Variants in RAP1GDS1 observed in about 807,000 individuals in gnomAD.
The protein encoded by RAP1GDS1 is Rap1 GTPase-GDP dissociation stimulator 1, also known as RAP1, GTP-GDP dissociation stimulator 1.
Under a neutral mutation model 71.1 loss-of-function variants are expected in RAP1GDS1, and 35 were observed. That is an observed-to-expected ratio of 0.49 (90% CI 0.38 to 0.65). The LOEUF is 0.65. Among genes scored for constraint, RAP1GDS1 ranks in the 30% least tolerant of loss-of-function variants. RAP1GDS1 has a pLI of 0.00. For synonymous variants in RAP1GDS1, 229 were observed against 243.1 expected, an observed-to-expected ratio of 0.94 and a Z score of 0.54; for missense variants, 663 against 706.1, an observed-to-expected ratio of 0.94 and a Z score of 0.69.
intron 10 of RAP1GDS1, among the ~76,000 whole-genome samples, chr4:98,419,742 C>T (rs567779227): frequency 3.3e-4 from 50 of 152,182 alleles, no homozygotes; most frequent in African/African-American, 1.2e-3. Context: ...CCTTTACAAA[C>T]TATGTAAGTA....
At chr4:98,279,343 A>G (rs539782772) in intron 1 of RAP1GDS1, among the ~76,000 whole-genome samples, 2 of 152,154 alleles carry the variant, frequency 1.3e-5, no homozygotes, top group Admixed American at 6.5e-5. Context: ...TAAAATAACT[A>G]TATGCAAAAG....
At chr4:98,395,679 A>G (rs1422681373) in intron 6 of RAP1GDS1, among the ~76,000 whole-genome samples, 2 of 152,216 alleles carry the variant, frequency 1.3e-5, no homozygotes, top group Non-Finnish European at 2.9e-5. Flanking sequence ...CTTTTTAAAC[A>G]TAGATACTCT....
chr4:98,280,808 A>G (rs1369361024), intron 1 of RAP1GDS1, among the ~76,000 whole-genome samples: 1 of 152,196 alleles, frequency 6.6e-6, no homozygotes, highest in Non-Finnish European at 1.5e-5. Context: ...GAAGGGATCC[A>G]GTTTCAGCTT....
chr4:98,300,937 A>G (rs1300519906), intron 2 of RAP1GDS1, among the ~76,000 whole-genome samples: 1 of 152,022 alleles, frequency 6.6e-6, no homozygotes, highest in African/African-American at 2.4e-5. Context: ...TGCATTTACT[A>G]TTTTTGAACA....
intron 1 of RAP1GDS1, among the ~76,000 whole-genome samples, chr4:98,288,434 T>A (rs1324686368): frequency 6.6e-6 from 1 of 152,182 alleles, no homozygotes; most frequent in Non-Finnish European, 1.5e-5. Context: ...TCTATCATTG[T>A]TGGACATTTG....
chr4:98,400,169 AAC>A (rs1326209778), intron 6 of RAP1GDS1, among the ~76,000 whole-genome samples: 2 of 151,930 alleles, frequency 1.3e-5, no homozygotes, highest in African/African-American at 4.8e-5. Flanking sequence ...TTTAAAAAAA[AAC>A]ACAAATAGAA....
intron 7 of RAP1GDS1, among the ~76,000 whole-genome samples, chr4:98,406,707 A>G (rs1746162213): frequency 6.6e-6 from 1 of 152,014 alleles, no homozygotes; most frequent in Admixed American, 6.5e-5. Context: ...GAGCTCTTTC[A>G]AGTACATATG....
At chr4:98,288,480 C>T (rs1223497174) in intron 1 of RAP1GDS1, among the ~76,000 whole-genome samples, 2 of 152,032 alleles carry the variant, frequency 1.3e-5, no homozygotes, top group East Asian at 1.9e-4. Flanking sequence ...TGAATAGTGC[C>T]GCAGTAAACA....
chr4:98,346,022 A>G (rs1400154422), intron 3 of RAP1GDS1, among the ~76,000 whole-genome samples: 3 of 152,142 alleles, frequency 2.0e-5, no homozygotes. Context: ...TCACCCGGGA[A>G]CTTGTTACAT....
intron 2 of RAP1GDS1, among the ~76,000 whole-genome samples, chr4:98,336,269 T>A (rs893503377): frequency 2.2e-4 from 33 of 152,220 alleles, no homozygotes; most frequent in Admixed American, 1.7e-3. Context: ...TTCCTCATGG[T>A]GTTTACATTC....
Position 98,267,662 on chromosome 4 carries a change from G to A in RAP1GDS1, c.4+6093G>A, listed in dbSNP as rs58507370. Among the ~76,000 whole-genome samples, 752 of 152,292 alleles carry A rather than the reference G, an allele frequency of 4.9e-3. 7 individuals carry two copies. Among genetic ancestry groups the A allele is most frequent in the South Asian group, 0.018 (86 of 4,820 alleles). On this transcript the variant is annotated intron_variant, in intron 1 of 14. Transcript: ENST00000408927. Reference sequence around the variant, plus strand: ...GGCCTCCAGCTCCATCCATGTTGCTGCAAAGGACATGATTTCATTCTTTTT... The same window carrying A: ...GGCCTCCAGCTCCATCCATGTTGCTACAAAGGACATGATTTCATTCTTTTT...
At chr4:98,335,046 A>G (rs72896342) in intron 2 of RAP1GDS1, among the ~76,000 whole-genome samples, 1,903 of 152,200 alleles carry the variant, frequency 0.013, 43 homozygotes, top group African/African-American at 0.044. Flanking sequence ...TTTCCTCGAT[A>G]TACTTGGTCC....
At chr4:98,292,362 A>G (rs1000602439) in intron 1 of RAP1GDS1, among the ~76,000 whole-genome samples, 4 of 152,014 alleles carry the variant, frequency 2.6e-5, no homozygotes, top group African/African-American at 9.7e-5. Flanking sequence ...TCAAACTCCT[A>G]GCCTCAAGTG....
chr4:98,300,375 G>A (rs975980375), intron 2 of RAP1GDS1, among the ~76,000 whole-genome samples: 5 of 151,832 alleles, frequency 3.3e-5, no homozygotes, highest in African/African-American at 1.2e-4. Context: ...TGCACACTCA[G>A]TAGACTACAG....
At chr4:98,317,806 A>G (rs1345898003) in intron 2 of RAP1GDS1, among the ~76,000 whole-genome samples, 3 of 147,002 alleles carry the variant, frequency 2.0e-5, no homozygotes, top group Non-Finnish European at 4.5e-5. Flanking sequence ...CAGCCCTGAT[A>G]TTTGACTATA....
rs1400667584 is a variant in RAP1GDS1, at chr4:98,343,385, TTTTG to T, written c.235+129_235+132del. ...TAGACATTTTTTATTTCTATTTATC[TTTTG>T]TTTGACTCTTCATGTAATTGTTTTA... On this transcript the variant is annotated intron_variant, in intron 3 of 14. Coordinates refer to ENST00000408927, the MANE Select transcript of RAP1GDS1 (RefSeq NM_001100427.2). The T allele has an allele frequency of 4.8e-6, 6 of 1,248,324 alleles. No homozygotes were observed. In the Admixed American group the frequency reaches 1.1e-4, roughly 24 times the overall value. 77.3% of individuals were successfully genotyped at this position (1,248,324 alleles called of 1,614,324 possible).
At chr4:98,287,980 G>A (rs1353982975) in intron 1 of RAP1GDS1, among the ~76,000 whole-genome samples, 2 of 152,108 alleles carry the variant, frequency 1.3e-5, no homozygotes, top group Non-Finnish European at 2.9e-5. Context: ...TATGAAGGTA[G>A]TGATAAATGA....
At chr4:98,315,851 G>T (rs1730861363) in intron 2 of RAP1GDS1, among the ~76,000 whole-genome samples, 1 of 152,120 alleles carries the variant, frequency 6.6e-6, no homozygotes, top group South Asian at 2.1e-4. Context: ...TGTTGACAGT[G>T]CTGGAGAATA....
intron 7 of RAP1GDS1, among the ~76,000 whole-genome samples, chr4:98,407,155 T>C (rs1399243): frequency 0.076 from 11,607 of 152,180 alleles, 491 homozygotes; most frequent in Admixed American, 0.14. Flanking sequence ...ATGCTCATAG[T>C]AGTCTCTGAT....
Sources: gnomAD v4.1 joint callset for allele counts (sites outside exome capture counted in the v4.1 genomes callset) on GRCh38, gnomAD v4.1.1 for gene constraint, MANE v1.5 for transcripts, NCBI Gene and HGNC (gene_info 2026-07-23, HGNC 2026-07-21) for gene names.